Variants in EPHA6 observed in about 807,000 individuals in gnomAD.
The protein encoded by EPHA6 is ephrin type-A receptor 6.
A neutral mutation model predicts 112.0 loss-of-function variants in EPHA6; 50 were observed. The observed-to-expected ratio is 0.45, with a 90% CI of 0.36 to 0.56. EPHA6 has a LOEUF of 0.56. Among genes scored for constraint, EPHA6 ranks in the 20% least tolerant of loss-of-function variants. The pLI, the probability that EPHA6 is intolerant of heterozygous loss-of-function variation, is 0.00. For synonymous variants in EPHA6, 529 were observed against 490.7 expected (o/e 1.08, Z -1.03); for missense variants, 1,280 against 1,417.4 (o/e 0.90, Z 1.56).
intron 2 of EPHA6, among the ~76,000 whole-genome samples, chr3:96,883,906 A>G (rs1280062310): frequency 6.6e-6 from 1 of 152,146 alleles, no homozygotes; most frequent in Non-Finnish European, 1.5e-5. Context: ...TCCTGACTTC[A>G]GATGATTCAC....
chr3:97,176,627 T>C (rs1296247824), intron 3 of EPHA6, among the ~76,000 whole-genome samples: 1 of 151,986 alleles, frequency 6.6e-6, no homozygotes, highest in Admixed American at 6.6e-5. Flanking sequence ...CTTGGTAGGT[T>C]GCGTGTATCT....
intron 2 of EPHA6, among the ~76,000 whole-genome samples, chr3:96,878,419 G>T (rs751487298): frequency 6.6e-6 from 1 of 151,964 alleles, no homozygotes; most frequent in Non-Finnish European, 1.5e-5. Context: ...CCTTGTAAGT[G>T]ATGCTAAGGC....
At chr3:96,970,515 T>G (rs1411515389) in intron 2 of EPHA6, among the ~76,000 whole-genome samples, 1 of 152,064 alleles carries the variant, frequency 6.6e-6, no homozygotes, top group African/African-American at 2.4e-5. Flanking sequence ...ATGTCATATA[T>G]AGAATCATTA....
chr3:97,122,521 T>G (rs73131591), intron 3 of EPHA6, among the ~76,000 whole-genome samples: 16,371 of 152,104 alleles, frequency 0.11, 1,167 homozygotes, highest in Middle Eastern at 0.23. Context: ...CAAAATGTAT[T>G]TTAATAGAAA....
intron 1 of EPHA6, among the ~76,000 whole-genome samples, chr3:96,861,532 A>G (rs72933409): frequency 0.044 from 6,675 of 152,088 alleles, 476 homozygotes; most frequent in African/African-American, 0.14. Flanking sequence ...CAGAGTAGAA[A>G]ACTGAAAGGT....
At chr3:97,710,376 A>C (rs2033903529) in intron 14 of EPHA6, among the ~76,000 whole-genome samples, 1 of 152,204 alleles carries the variant, frequency 6.6e-6, no homozygotes. Context: ...CCAATATATC[A>C]CAACACTACA....
At chr3:96,950,143 C>A (rs2041462611) in intron 2 of EPHA6, among the ~76,000 whole-genome samples, 1 of 152,042 alleles carries the variant, frequency 6.6e-6, no homozygotes, top group African/African-American at 2.4e-5. Context: ...GTGTGTGTCA[C>A]TTTCCCAGCT....
intron 5 of EPHA6, among the ~76,000 whole-genome samples, chr3:97,402,286 T>C (rs562441004): frequency 1.4e-4 from 22 of 152,136 alleles, no homozygotes; most frequent in Non-Finnish European, 2.4e-4. Context: ...ATTGGGGTCT[T>C]TCTCTTTAGA....
chr3:97,239,251 A>C (rs180825700), intron 4 of EPHA6, among the ~76,000 whole-genome samples: 12 of 152,058 alleles, frequency 7.9e-5, no homozygotes, highest in African/African-American at 2.6e-4. Flanking sequence ...TATTTAAGGG[A>C]GTCTCCTATA....
At chr3:97,463,894 G>A (rs1577481836) in intron 7 of EPHA6, among the ~76,000 whole-genome samples, 1 of 152,044 alleles carries the variant, frequency 6.6e-6, no homozygotes, top group East Asian at 1.9e-4. Context: ...AGGACCCTTT[G>A]ATTGCAGATA....
At chr3:97,551,524 T>C (rs1400735694) in intron 11 of EPHA6, among the ~76,000 whole-genome samples, 1 of 152,164 alleles carries the variant, frequency 6.6e-6, no homozygotes, top group Non-Finnish European at 1.5e-5. Context: ...CTGAAAATAA[T>C]GTGTTGACCT....
intron 2 of EPHA6, among the ~76,000 whole-genome samples, chr3:96,929,600 G>A (rs774187816): frequency 2.4e-4 from 36 of 152,312 alleles, no homozygotes; most frequent in African/African-American, 6.7e-4. Flanking sequence ...TCTGCCGTTC[G>A]TCTGTTGGGC....
rs555690018 is a variant in EPHA6 at position 97,588,106 on chromosome 3, AT to A, written c.2387-4505del. Among the ~76,000 whole-genome samples the A allele has an allele frequency of 2.9e-3, 444 of 152,310 alleles. 3 individuals are homozygous for A. Among genetic ancestry groups the A allele is most frequent in the Middle Eastern group, 0.01 (3 of 294 alleles). On this transcript the variant is annotated intron_variant, in intron 11 of 17. Coordinates refer to ENST00000389672, the MANE Select transcript of EPHA6 (RefSeq NM_001080448.3). ...TGATATTGTATATATTTATAAAAAA[AT>A]AAACATAGCAATTACTAAAGGATGA...
chr3:97,737,971 A>C (rs1000158989), intron 16 of EPHA6, among the ~76,000 whole-genome samples: 1 of 152,102 alleles, frequency 6.6e-6, no homozygotes, highest in African/African-American at 2.4e-5. Context: ...CAAGGAGTAT[A>C]ATGTCCAAGC....
chr3:97,317,467 T>C (rs2081899065), intron 5 of EPHA6, among the ~76,000 whole-genome samples: 2 of 152,168 alleles, frequency 1.3e-5, no homozygotes, highest in South Asian at 4.1e-4. Context: ...ATCATGGTAG[T>C]CATGATAATA....
chr3:97,634,171 G>T (rs934404358), intron 13 of EPHA6, among the ~76,000 whole-genome samples: 2 of 152,044 alleles, frequency 1.3e-5, no homozygotes, highest in African/African-American at 2.4e-5. Context: ...TTGTCCTCCA[G>T]TTTCACCATC....
chr3:96,883,825 A>G (rs1336899933), intron 2 of EPHA6, among the ~76,000 whole-genome samples: 1 of 151,800 alleles, frequency 6.6e-6, no homozygotes. Context: ...CCGCCACCAC[A>G]CCTGGCTAAT....
intron 2 of EPHA6, among the ~76,000 whole-genome samples, chr3:96,903,600 A>G (rs1320703838): frequency 2.0e-5 from 3 of 152,170 alleles, no homozygotes; most frequent in Non-Finnish European, 2.9e-5. Flanking sequence ...ACCCCAAATT[A>G]TCATCATAAC....
chr3:97,360,341 G>C (rs747833315), intron 5 of EPHA6, among the ~76,000 whole-genome samples: 1 of 152,186 alleles, frequency 6.6e-6, no homozygotes, highest in Non-Finnish European at 1.5e-5. Context: ...CAGTGCAATT[G>C]TTGCCTAGAT....
Sources: allele counts gnomAD v4.1 joint callset (sites outside exome capture counted in the v4.1 genomes callset), GRCh38; gene constraint gnomAD v4.1.1; transcripts MANE v1.5; gene names NCBI Gene and HGNC (gene_info 2026-07-23, HGNC 2026-07-21).